The following TRAK2 variants were observed in gnomAD, a reference collection of about 807,000 sequenced individuals.
The protein encoded by TRAK2 is trafficking kinesin-binding protein 2.
A neutral mutation model predicts 104.6 loss-of-function variants in TRAK2; 81 were observed. The observed-to-expected ratio is 0.77, with a 90% CI of 0.65 to 0.93. The LOEUF (loss-of-function observed/expected upper bound fraction) is 0.93, where lower values mean the gene tolerates loss of function less well. TRAK2 is among the 40% of genes least tolerant of loss of function. TRAK2 has a pLI of 0.00. For missense variants in TRAK2, 1,002 were observed against 1,089.0 expected (o/e 0.92, Z 1.12); for synonymous variants, 406 against 394.4 (o/e 1.03, Z -0.35).
rs914327734 is a variant in TRAK2 at position 201,412,248 on chromosome 2, T to A, written c.92-4651A>T. ...GCTTGGGCAGTAGAACCTTTGGCAGTCCGTTGAAAAACTGTGATTTCTGAA... is the reference window on the plus strand; with the variant it reads ...GCTTGGGCAGTAGAACCTTTGGCAGACCGTTGAAAAACTGTGATTTCTGAA... On this transcript the variant is annotated intron_variant, in intron 2 of 15. Transcript: ENST00000332624. The A allele has an allele frequency of 2.9e-6, 3 of 1,020,464 alleles. No individual in the cohort carries two copies. The African/African-American group carries it at 4.7e-5, about 16-fold the overall frequency. The allele number at this position is 1,020,464 out of a possible 1,614,324, so 63.2% of individuals were successfully genotyped here.
chr2:201,433,289 G>C (rs1951856889), intron 1 of TRAK2, among the ~76,000 whole-genome samples: 1 of 152,154 alleles, frequency 6.6e-6, no homozygotes. Context: ...CCGATGCCGC[G>C]GGAAAGCTAC....
rs1030881695 is a variant in TRAK2, at chr2:201,380,098, C to G, written c.*445G>C. The G allele has an allele frequency of 3.2e-5, 6 of 186,114 alleles. No individual in the cohort carries two copies. Among genetic ancestry groups the G allele is most frequent in the African/African-American group, 1.4e-4 (6 of 42,364 alleles). 11.5% of individuals were successfully genotyped at this position (186,114 alleles called of 1,614,324 possible). ...TGTCTCAGTAATAGACTGAGCTTAC[C>G]CCACCAACCCCTCAGAACGGCTTTC... On this transcript the variant is annotated 3_prime_UTR_variant, in exon 16 of 16. Coordinates refer to ENST00000332624, the MANE Select transcript of TRAK2 (RefSeq NM_015049.3).
chr2:201,434,964 T>C (rs796113176), intron 1 of TRAK2, among the ~76,000 whole-genome samples: 20 of 152,308 alleles, frequency 1.3e-4, no homozygotes, highest in African/African-American at 4.8e-4. Flanking sequence ...TCATATGTAG[T>C]TTAGTCAAAG....
intron 2 of TRAK2, chr2:201,411,743 A>G: frequency 1.3e-6 from 1 of 780,138 alleles, no homozygotes; most frequent in Non-Finnish European, 2.4e-6. Context: ...AGGGTAGGAT[A>G]CCATCAAGTA....
chr2:201,424,161 G>A (rs1951766402), intron 1 of TRAK2, among the ~76,000 whole-genome samples: 1 of 152,128 alleles, frequency 6.6e-6, no homozygotes, highest in Non-Finnish European at 1.5e-5. Flanking sequence ...GAACTTGGAA[G>A]GAAGAAGAAA....
At chr2:201,391,756 T>C (rs1171322471) in intron 10 of TRAK2, among the ~76,000 whole-genome samples, 2 of 152,188 alleles carry the variant, frequency 1.3e-5, no homozygotes, top group African/African-American at 4.8e-5. Flanking sequence ...GCTCTGAGAA[T>C]ATGGCATGAT....
chr2:201,429,026 G>A (rs1160504960), intron 1 of TRAK2, among the ~76,000 whole-genome samples: 1 of 152,172 alleles, frequency 6.6e-6, no homozygotes, highest in Non-Finnish European at 1.5e-5. Context: ...TTTGTATCCT[G>A]AGACTTTGCT....
At chr2:201,436,093 T>C (rs893975858) in intron 1 of TRAK2, among the ~76,000 whole-genome samples, 3 of 152,162 alleles carry the variant, frequency 2.0e-5, no homozygotes, top group Non-Finnish European at 4.4e-5. Context: ...ATAGTTACCA[T>C]ATTTTTTATT....
intron 8 of TRAK2, 170 bp downstream of exon 8, chr2:201,395,144 A>G: frequency 1.6e-6 from 1 of 639,702 alleles, no homozygotes; most frequent in East Asian, 2.8e-5. Flanking sequence ...GAAAGTATTT[A>G]TTCATGATAT....
Position 201,380,736 on chromosome 2 carries a change from C to T in TRAK2, c.2552G>A (p.Gly851Asp), listed in dbSNP as rs762218086. 1.2e-6 allele frequency: 2 copies of T among 1,614,074 alleles called. No individual in the cohort carries two copies. The highest frequency in any genetic ancestry group is 1.1e-5 in the South Asian group (1 of 91,074). ...CTGGCATCTTCCATTCTCTTGGGCACCAGGGTTCTTGACCACTCTGGCTAT... is the reference window on the plus strand; with the variant it reads ...CTGGCATCTTCCATTCTCTTGGGCATCAGGGTTCTTGACCACTCTGGCTAT... ...LGIARVVKNP[G>D]AQENGRCQEA... The change falls in exon 16 of 16, where the codon GGT (glycine) becomes GAT (aspartate). Residue 851 changes from glycine (G) to aspartate (D), a missense_variant. By Grantham distance (94) the Gly-to-Asp change is moderately conservative. Coordinates refer to ENST00000332624, the MANE Select transcript of TRAK2 (RefSeq NM_015049.3).
At chr2:201,392,637 C>T (rs917194287) in intron 10 of TRAK2, among the ~76,000 whole-genome samples, 1 of 152,080 alleles carries the variant, frequency 6.6e-6, no homozygotes, top group Non-Finnish European at 1.5e-5. Context: ...TTAACTAGTT[C>T]TATGGTACAC....
rs200801380 is a variant in TRAK2, at chr2:201,394,832, G to C, written c.941C>G (p.Ala314Gly). 88 of 1,613,856 alleles carry C rather than the reference G, an allele frequency of 5.5e-5. No homozygotes were observed. Among genetic ancestry groups the C allele is most frequent in the Non-Finnish European group, 7.2e-5 (85 of 1,179,928 alleles). ...CAGTTGCCGTTGGGCATCTTTGGAA[G>C]CTTGCAGGTGAAGTTTTAGTTCTTC... ...EKEELKLHLQASKDAQRQLTM... is the reference protein window; with the variant it reads ...EKEELKLHLQGSKDAQRQLTM... Residue 314 changes from alanine (A) to glycine (G), a missense_variant, in exon 9 of 16, where the codon GCT (alanine) becomes GGT (glycine). Physicochemically the swap from Ala to Gly is moderately conservative, Grantham distance 60. Transcript: ENST00000332624.
chr2:201,431,436 G>A (rs1035863193), intron 1 of TRAK2, among the ~76,000 whole-genome samples: 2 of 152,162 alleles, frequency 1.3e-5, no homozygotes, highest in East Asian at 1.9e-4. Context: ...TCATTCCCTT[G>A]TCTTTCCTAG....
At chr2:201,412,520 G>A in intron 2 of TRAK2, 1 of 1,194,478 alleles carries the variant, frequency 8.4e-7, no homozygotes, top group Non-Finnish European at 1.2e-6. Context: ...TCAAATATAT[G>A]TTTCCTTTTA....
At chr2:201,441,879 A>T (rs749445251) in intron 1 of TRAK2, among the ~76,000 whole-genome samples, 14 of 150,908 alleles carry the variant, frequency 9.3e-5, no homozygotes, top group Non-Finnish European at 1.6e-4. Flanking sequence ...TTTAGTAGAG[A>T]TGGGGTTTCA....
At position 201,384,337 on chromosome 2, in the gene TRAK2, C is replaced by T. The variant is rs2540328; in HGVS notation, c.1964-121G>A. ...AAGTACCTTTTGTATTAAAAATCCC[C>T]AAATCTGGAAATGAAATAAATATAC... On this transcript the variant is annotated intron_variant, in intron 14 of 15. Transcript: ENST00000332624. 213,786 of 743,488 alleles carry T rather than the reference C, an allele frequency of 0.29. 32,427 individuals carry two copies. Among genetic ancestry groups the T allele is most frequent in the Admixed American group, 0.39 (13,497 of 34,352 alleles). 46.1% of individuals were successfully genotyped at this position (743,488 alleles called of 1,614,324 possible).
At chr2:201,382,632 CTTG>C (rs1376395511) in intron 15 of TRAK2, among the ~76,000 whole-genome samples, 1 of 152,170 alleles carries the variant, frequency 6.6e-6, no homozygotes, top group Non-Finnish European at 1.5e-5. Context: ...TTTTGTAAAA[CTTG>C]TTATCTTGAT....
chr2:201,383,584 T>C (rs1005627027), intron 15 of TRAK2, among the ~76,000 whole-genome samples: 9 of 152,212 alleles, frequency 5.9e-5, no homozygotes, highest in African/African-American at 2.2e-4. Context: ...TAAGGACACG[T>C]GTAGAATTCT....
intron 3 of TRAK2, among the ~76,000 whole-genome samples, chr2:201,406,210 T>A (rs2125648971): frequency 6.6e-6 from 1 of 152,342 alleles, no homozygotes; most frequent in East Asian, 1.9e-4. Flanking sequence ...TTTGGGCTTC[T>A]TGATATTTTA....
Sources: allele counts gnomAD v4.1 joint callset (sites outside exome capture counted in the v4.1 genomes callset), GRCh38; gene constraint gnomAD v4.1.1; transcripts MANE v1.5; gene names NCBI Gene and HGNC (gene_info 2026-07-23, HGNC 2026-07-21).